The following RAE1 variants were observed in gnomAD, a reference collection of about 807,000 sequenced individuals.
The protein encoded by RAE1 is mRNA export factor RAE1.
A neutral mutation model predicts 52.7 loss-of-function variants in RAE1; 13 were observed. The observed-to-expected ratio is 0.25, with a 90% CI of 0.16 to 0.39. RAE1 has a LOEUF of 0.39. Ranked by LOEUF, RAE1 falls within the 10% of genes least tolerant of loss-of-function variation. The probability of loss-of-function intolerance (pLI) is 1.00; values close to 1 mark genes in which losing one functional copy is unlikely to be tolerated. For missense variants in RAE1, 262 were observed against 459.8 expected, an observed-to-expected ratio of 0.57 and a Z score of 3.93; for synonymous variants, 164 against 153.1, an observed-to-expected ratio of 1.07 and a Z score of -0.52.
In RAE1 at chr20:57,353,913, A is replaced by G. The variant is rs534666671; in HGVS notation, c.-7-119A>G. The G allele has an allele frequency of 9.9e-5, 81 of 814,696 alleles. 1 individual carries two copies. In the East Asian group the frequency reaches 2.0e-3, roughly 20 times the overall value. The allele number at this position is 814,696 out of a possible 1,614,324, so 50.5% of individuals were successfully genotyped here. ...CTGCTCATTGCGCTCTTGTCTGAAA[A>G]GTGAAGCCTGGCCTCAAGCCACTTT... On this transcript the variant is annotated intron_variant, in intron 1 of 11. Coordinates refer to ENST00000395841, the MANE Select transcript of RAE1 (RefSeq NM_003610.4).
chr20:57,351,515 G>T (rs1426253216), intron 1 of RAE1, 93 bp downstream of exon 1: 1 of 985,518 alleles, frequency 1.0e-6, no homozygotes, highest in East Asian at 1.1e-4. Flanking sequence ...TCTGCGGGAT[G>T]CTGGGGCGCG....
chr20:57,371,705 C>T (rs921000930), intron 8 of RAE1: 2 of 152,178 alleles, frequency 1.3e-5, no homozygotes, highest in Admixed American at 6.5e-5. Context: ...ACTTACAGGT[C>T]TTGATTCAAA....
chr20:57,362,717 CAGA>C (rs1568784894), intron 4 of RAE1, among the ~76,000 whole-genome samples: 5 of 152,080 alleles, frequency 3.3e-5, no homozygotes, highest in African/African-American at 1.2e-4. Context: ...AAAAACAATA[CAGA>C]AAGCAGCTGT....
intron 4 of RAE1, among the ~76,000 whole-genome samples, chr20:57,364,242 T>G (rs2066925407): frequency 1.3e-5 from 2 of 152,202 alleles, no homozygotes; most frequent in African/African-American, 4.8e-5. Flanking sequence ...TCACACATAC[T>G]CTTTCTCTCC....
rs1061219 is a variant in RAE1 at position 57,378,066 on chromosome 20, A to G, written c.1074A>G (p.Ala358=). The G allele has an allele frequency of 6.2e-7, 1 of 1,613,088 alleles. No individual in the cohort carries two copies. Among genetic ancestry groups the G allele is most frequent in the African/African-American group, 1.3e-5 (1 of 75,022 alleles). ...AAAATTACATTTTCCTGCGTAATGC[A>G]GCCGAAGAGCTAAAGCCCAGGAATA... The part of the protein sequence containing the change: ...QKKNYIFLRN[A]AEELKPRNKK Residue 358 remains alanine (A), a synonymous_variant, in exon 12 of 12, where the codon GCA becomes GCG. Coordinates refer to ENST00000395841, the MANE Select transcript of RAE1 (RefSeq NM_003610.4).
chr20:57,376,273 T>C (rs533408735), intron 11 of RAE1, among the ~76,000 whole-genome samples: 1 of 152,238 alleles, frequency 6.6e-6, no homozygotes, highest in African/African-American at 2.4e-5. Context: ...TGAGGTACAA[T>C]TGAAATACAG....
intron 8 of RAE1, chr20:57,372,811 C>T (rs2067055821): frequency 6.6e-6 from 1 of 152,386 alleles, no homozygotes. Flanking sequence ...GTGGATGGCC[C>T]TCCAAGCTTT....
chr20:57,361,845 C>A (rs2066896218), intron 4 of RAE1, among the ~76,000 whole-genome samples: 1 of 152,198 alleles, frequency 6.6e-6, no homozygotes, highest in African/African-American at 2.4e-5. Flanking sequence ...TGCAGGGGTC[C>A]CCAACCCCCA....
intron 10 of RAE1, among the ~76,000 whole-genome samples, 168 bp downstream of exon 10, chr20:57,373,906 T>C (rs542254022): frequency 1.3e-5 from 2 of 152,324 alleles, no homozygotes; most frequent in East Asian, 3.9e-4. Flanking sequence ...ATTTTTGTTG[T>C]TGTTTTTGAG....
intron 4 of RAE1, chr20:57,359,911 C>T (rs147373732): frequency 1.3e-5 from 2 of 152,098 alleles, no homozygotes; most frequent in Admixed American, 6.5e-5. Context: ...AAATTTCTAT[C>T]GCCTATACTT....
rs1568798517 is a variant in RAE1, at chr20:57,379,059, CTCA to C, written c.*961_*963del. The stretch of plus-strand genomic sequence containing the variant: ...TGTCACTGTATTTCTCACCTGTGAT[CTCA>C]AATGCTTCTTAGGCCTTTCTGTTTG... On this transcript the variant is annotated 3_prime_UTR_variant, in exon 12 of 12. Transcript: ENST00000395841. 6.6e-6 allele frequency: 1 copy of C among 152,204 alleles called. No individual in the cohort carries two copies. The highest frequency in any genetic ancestry group is 1.9e-4 in the East Asian group (1 of 5,200). The allele number at this position is 152,204 out of a possible 1,614,324, so 9.4% of individuals were successfully genotyped here.
chr20:57,376,411 A>C (rs1275746772), intron 11 of RAE1, among the ~76,000 whole-genome samples: 2 of 152,022 alleles, frequency 1.3e-5, no homozygotes. Flanking sequence ...CACACACAAA[A>C]CCATGGATCT....
chr20:57,352,095 T>A (rs1001103836), intron 1 of RAE1: 1 of 632,402 alleles, frequency 1.6e-6, no homozygotes, highest in Non-Finnish European at 2.0e-6. Context: ...ATTAGATATG[T>A]TAAAGTTGGC....
In RAE1 at chr20:57,373,538, A is replaced by G. The variant is rs1468573785; in HGVS notation, c.706A>G (p.Ile236Val). 1.2e-6 allele frequency: 2 copies of G among 1,614,170 alleles called. No homozygotes were observed. The highest frequency in any genetic ancestry group is 2.2e-5 in the South Asian group (2 of 91,084). Residue 236 changes from isoleucine to valine, a missense_variant, in exon 9 of 12, where the codon ATC becomes GTC. Coordinates refer to ENST00000395841, the MANE Select transcript of RAE1 (RefSeq NM_003610.4). Reference sequence around the variant, plus strand: ...GCCTACTGGTTTTGCCCTGGGAAGTATCGAGGGGAGAGTTGCTATTCACTA... The same window carrying G: ...GCCTACTGGTTTTGCCCTGGGAAGTGTCGAGGGGAGAGTTGCTATTCACTA... ...NKPTGFALGS[I>V]EGRVAIHYIN...
chr20:57,353,914 G>C (rs1327054830), intron 1 of RAE1, 118 bp from the exon 2 acceptor site: 1 of 826,080 alleles, frequency 1.2e-6, no homozygotes, highest in Non-Finnish European at 1.9e-6. Context: ...TGTCTGAAAA[G>C]TGAAGCCTGG....
At chr20:57,355,390 AT>A (rs1237673837) in intron 3 of RAE1, among the ~76,000 whole-genome samples, 1 of 152,092 alleles carries the variant, frequency 6.6e-6, no homozygotes, top group Non-Finnish European at 1.5e-5. Flanking sequence ...ACTTTTTTTT[AT>A]TAAATTAACA....
chr20:57,368,609 A>C lies in RAE1; in HGVS notation c.535-96A>C, dbSNP rs202056458. The C allele has an allele frequency of 3.1e-5, 23 of 737,028 alleles. No homozygotes were observed. In the East Asian group the frequency reaches 5.9e-4, roughly 19 times the overall value. The allele number at this position is 737,028 out of a possible 1,614,324, so 45.7% of individuals were successfully genotyped here. A position where few individuals can be genotyped will look rare whatever the true frequency, so the allele number is the denominator to read the frequency against. On this transcript the variant is annotated intron_variant, in intron 7 of 11. Coordinates refer to ENST00000395841, the MANE Select transcript of RAE1 (RefSeq NM_003610.4). ...TAATCCCAGGATTATTAAAATCCAG[A>C]CTTAATGTTGTAACCAAAAATTGAT...
intron 8 of RAE1, chr20:57,372,941 T>C (rs149709219): frequency 1.7e-3 from 270 of 154,722 alleles, no homozygotes; most frequent in African/African-American, 6.2e-3. Flanking sequence ...TTCTGTAGAA[T>C]AGAGACCTGC....
rs377521161 is a variant in RAE1, at chr20:57,368,823, A to G, written c.642+11A>G. On this transcript the variant is annotated intron_variant, in intron 8 of 11. Transcript: ENST00000395841. ...CCACTGAAACATCAGGTGCGTCATT[A>G]GTCAAATCAAGAAGTATGTATTTAG... 4.2e-5 allele frequency: 66 copies of G among 1,588,712 alleles called. No homozygotes were observed. Among genetic ancestry groups the G allele is most frequent in the Non-Finnish European group, 5.3e-5 (61 of 1,159,190 alleles).
Sources: gnomAD v4.1 joint callset for allele counts (sites outside exome capture counted in the v4.1 genomes callset) on GRCh38, gnomAD v4.1.1 for gene constraint, MANE v1.5 for transcripts, NCBI Gene and HGNC (gene_info 2026-07-23, HGNC 2026-07-21) for gene names.